Variants in LTV1 observed in about 807,000 individuals in gnomAD.
LTV1 encodes the protein protein LTV1 homolog.
A neutral mutation model predicts 59.9 loss-of-function variants in LTV1; 39 were observed. The ratio of observed to expected loss-of-function variants is 0.65; its 90% confidence interval spans 0.50 to 0.85. LTV1 has a LOEUF of 0.85. Ranked by LOEUF, LTV1 falls within the 40% of genes least tolerant of loss-of-function variation. The probability of loss-of-function intolerance (pLI) is 0.00; values close to 1 mark genes in which losing one functional copy is unlikely to be tolerated. For synonymous variants in LTV1, 171 were observed against 189.5 expected (o/e 0.90, Z 0.80); for missense variants, 493 against 549.1 (o/e 0.90, Z 1.02).
Position 143,855,899 on chromosome 6 carries a change from G to T in LTV1, c.398-1404G>T, listed in dbSNP as rs1457059735. On this transcript the variant is annotated intron_variant, in intron 4 of 10. Coordinates refer to ENST00000367576, the MANE Select transcript of LTV1 (RefSeq NM_032860.5). The surrounding 1 kb of genome is among the most constrained non-coding windows in gnomAD (Gnocchi z 4.6). The stretch of plus-strand genomic sequence containing the variant: ...CATTTTTTTCTTCATTTCAACCTTC[G>T]TGAATCTGACGATTATGTGTCTTGG... 6.6e-6 allele frequency among the ~76,000 whole-genome samples: 1 copy of T among 151,900 alleles called. No individual in the cohort carries two copies. The highest frequency in any genetic ancestry group is 2.4e-5 in the African/African-American group (1 of 41,330).
intron 3 of LTV1, among the ~76,000 whole-genome samples, chr6:143,849,899 T>G (rs1776952535): frequency 6.6e-6 from 1 of 152,180 alleles, no homozygotes; most frequent in South Asian, 2.1e-4. Flanking sequence ...CACTCCAGTC[T>G]GCTGTCATCT....
intron 7 of LTV1, among the ~76,000 whole-genome samples, chr6:143,861,773 A>G (rs1436150193): frequency 6.6e-6 from 1 of 152,182 alleles, no homozygotes; most frequent in Non-Finnish European, 1.5e-5. Context: ...AAGAAGCTAT[A>G]TAGTTGAGTG....
intron 1 of LTV1, among the ~76,000 whole-genome samples, chr6:143,844,013 G>A (rs746282775): frequency 1.8e-4 from 28 of 152,242 alleles, no homozygotes; most frequent in Non-Finnish European, 3.7e-4. Flanking sequence ...AACTTTAGCT[G>A]TTTGTGTCGT....
chr6:143,845,787 T>A (rs1392551917), intron 2 of LTV1, among the ~76,000 whole-genome samples: 1 of 152,256 alleles, frequency 6.6e-6, no homozygotes, highest in Non-Finnish European at 1.5e-5. Flanking sequence ...GCAATTGTTA[T>A]TTATTTTTAT....
At chr6:143,860,621 G>T in intron 7 of LTV1, 68 bp downstream of exon 7, 1 of 1,404,408 alleles carries the variant, frequency 7.1e-7, no homozygotes, top group Non-Finnish European at 9.5e-7. Flanking sequence ...CCAAAGAAAG[G>T]TCTATAGTAT....
chr6:143,856,464 G>T (rs1450021156), intron 4 of LTV1, among the ~76,000 whole-genome samples: 1 of 152,204 alleles, frequency 6.6e-6, no homozygotes, highest in East Asian at 1.9e-4. Context: ...TCTCCGTCCA[G>T]TTTTGTTCCC....
Position 143,857,729 on chromosome 6 carries a change from G to A in LTV1, c.540-23G>A, listed in dbSNP as rs1206529883. The stretch of plus-strand genomic sequence containing the variant: ...GTTACTTTTTAAGTTGTTTTGGTAG[G>A]TAATTTATGACCTTTACTTTAGGAA... On this transcript the variant is annotated intron_variant, in intron 5 of 10. Transcript: ENST00000367576. This position sits in a 1 kb window ranked among gnomAD's most constrained non-coding sequence, Gnocchi z 5.2. 2 of 1,612,046 alleles carry A rather than the reference G, an allele frequency of 1.2e-6. No individual in the cohort carries two copies. Among genetic ancestry groups the A allele is most frequent in the Admixed American group, 3.3e-5 (2 of 59,940 alleles).
intron 3 of LTV1, among the ~76,000 whole-genome samples, chr6:143,849,736 A>G (rs1366104694): frequency 2.6e-5 from 4 of 152,194 alleles, no homozygotes; most frequent in Non-Finnish European, 5.9e-5. Context: ...TTCTTCCTTC[A>G]TGGTTCTGGA....
intron 2 of LTV1, among the ~76,000 whole-genome samples, chr6:143,845,563 A>C (rs1776877393): frequency 6.6e-6 from 1 of 152,126 alleles, no homozygotes; most frequent in African/African-American, 2.4e-5. Flanking sequence ...TATTTTGTAG[A>C]AACGAGGTCT....
chr6:143,846,836 T>C (rs757192736), intron 3 of LTV1, among the ~76,000 whole-genome samples: 5 of 152,214 alleles, frequency 3.3e-5, no homozygotes, highest in Non-Finnish European at 7.3e-5. Context: ...TTTAATTTGA[T>C]GTAGAGTAAA....
At chr6:143,846,905 G>C (rs1776901222) in intron 3 of LTV1, among the ~76,000 whole-genome samples, 1 of 152,132 alleles carries the variant, frequency 6.6e-6, no homozygotes, top group African/African-American at 2.4e-5. Context: ...ACATTCATTA[G>C]GTTTATAAGC....
intron 4 of LTV1, among the ~76,000 whole-genome samples, chr6:143,854,416 GT>G (rs1330432288): frequency 1.3e-5 from 2 of 151,924 alleles, no homozygotes; most frequent in Non-Finnish European, 2.9e-5. Context: ...GGATTCATTG[GT>G]TTTTTTGAAG....
chr6:143,863,294 A>G lies in LTV1; in HGVS notation c.1317+8A>G. On this transcript the variant is annotated splice_region_variant and intron_variant, in intron 10 of 10. Transcript: ENST00000367576. The surrounding 1 kb of genome is among the most constrained non-coding windows in gnomAD (Gnocchi z 4.5). ...ATAAAAGAAGAGCGCAAGGTAAAAT[A>G]TATTTTTCAAATGTGAGATTTACAA... The G allele has an allele frequency of 6.2e-7, 1 of 1,611,264 alleles. No individual in the cohort carries two copies. The highest frequency in any genetic ancestry group is 8.5e-7 in the Non-Finnish European group (1 of 1,178,948).
Position 143,862,999 on chromosome 6 carries a change from A to G in LTV1, c.1117-87A>G, listed in dbSNP as rs952720676. 1 of 1,451,466 alleles carries G rather than the reference A, an allele frequency of 6.9e-7. No homozygotes were observed. Among genetic ancestry groups the G allele is most frequent in the African/African-American group, 1.4e-5 (1 of 71,222 alleles). 89.9% of individuals were successfully genotyped at this position (1,451,466 alleles called of 1,614,324 possible). A position where few individuals can be genotyped will look rare whatever the true frequency, so the allele number is the denominator to read the frequency against. On this transcript the variant is annotated intron_variant, in intron 9 of 10. Transcript: ENST00000367576. This position sits in a 1 kb window ranked among gnomAD's most constrained non-coding sequence, Gnocchi z 4.2. ...TTATCTTTATGGCTAGAGTGATATT[A>G]GAAAAAGCATCAACAGTATGTCATT...
intron 4 of LTV1, among the ~76,000 whole-genome samples, chr6:143,853,097 G>T (rs2128491473): frequency 6.6e-6 from 1 of 152,280 alleles, no homozygotes; most frequent in South Asian, 2.1e-4. Flanking sequence ...TCCTATCCAT[G>T]AGCATGGAAT....
At chr6:143,843,799 T>G (rs1295051947) in intron 1 of LTV1, among the ~76,000 whole-genome samples, 2 of 152,176 alleles carry the variant, frequency 1.3e-5, no homozygotes, top group African/African-American at 4.8e-5. Context: ...ACCCTGTGCT[T>G]CTTGGGGTCG....
chr6:143,861,885 AC>A (rs1447000486), intron 7 of LTV1, among the ~76,000 whole-genome samples: 2 of 152,090 alleles, frequency 1.3e-5, no homozygotes, highest in African/African-American at 2.4e-5. Context: ...GCTAGATGTT[AC>A]CTTCCTATCA....
chr6:143,861,620 G>A (rs997736782), intron 7 of LTV1, among the ~76,000 whole-genome samples: 49 of 152,214 alleles, frequency 3.2e-4, no homozygotes, highest in African/African-American at 1.1e-3. Context: ...CTGGATTAGC[G>A]GAACTGACCA....
chr6:143,861,660 A>G (rs1211153691), intron 7 of LTV1, among the ~76,000 whole-genome samples: 2 of 152,196 alleles, frequency 1.3e-5, no homozygotes. Context: ...CAGCATCCAC[A>G]TCAAGGTGAC....
Sources: allele counts gnomAD v4.1 joint callset (sites outside exome capture counted in the v4.1 genomes callset), GRCh38; gene constraint gnomAD v4.1.1; non-coding constraint Gnocchi (gnomAD v3.1); transcripts MANE v1.5; gene names NCBI Gene and HGNC (gene_info 2026-07-23, HGNC 2026-07-21).